The following STAMBP variants were observed in gnomAD, a reference collection of about 807,000 sequenced individuals.
STAMBP encodes the protein STAM-binding protein.
STAMBP carries 31 observed loss-of-function variants against 50.7 expected under a neutral mutation model. The observed-to-expected ratio is 0.61, with a 90% confidence interval of 0.46 to 0.83. The LOEUF is 0.83. Ranked by LOEUF, STAMBP falls within the 40% of genes least tolerant of loss-of-function variation. The probability of loss-of-function intolerance (pLI) is 0.00; values close to 1 mark genes in which losing one functional copy is unlikely to be tolerated. For missense variants in STAMBP, 472 were observed against 518.9 expected (o/e 0.91, Z 0.88); for synonymous variants, 211 against 192.4 (o/e 1.10, Z -0.80).
intron 2 of STAMBP, among the ~76,000 whole-genome samples, chr2:73,843,296 C>T (rs898107579): frequency 2.0e-5 from 3 of 147,100 alleles, no homozygotes; most frequent in Non-Finnish European, 3.0e-5. Context: ...CTTCTGGGAT[C>T]GAGAGATCCT....
At chr2:73,853,447 G>A (rs1048452038) in intron 7 of STAMBP, among the ~76,000 whole-genome samples, 3 of 152,200 alleles carry the variant, frequency 2.0e-5, no homozygotes, top group Non-Finnish European at 4.4e-5. Context: ...CTTTAGGCCG[G>A]GTGCGGTGGC....
intron 2 of STAMBP, among the ~76,000 whole-genome samples, chr2:73,835,792 G>C (rs547502573): frequency 6.6e-6 from 1 of 152,216 alleles, no homozygotes; most frequent in African/African-American, 2.4e-5. Flanking sequence ...GAATTTAACC[G>C]TTCACGTTTG....
Position 73,847,584 on chromosome 2 carries a change from C to T in STAMBP, c.573C>T (p.Gly191=). The change falls in exon 5 of 10, where the codon GGC becomes GGT. Residue 191 remains glycine (G), a synonymous_variant. Transcript: ENST00000394070. Reference sequence around the variant, plus strand: ...AGGAGTTTGGGAAGGTAGACCCTGGCCTAGGTGGCCCGCTAGTGCCTGACT... The same window carrying T: ...AGGAGTTTGGGAAGGTAGACCCTGGTCTAGGTGGCCCGCTAGTGCCTGACT... ...IVQEFGKVDP[G]LGGPLVPDLE... The T allele has an allele frequency of 3.7e-6, 6 of 1,614,140 alleles. No homozygotes were observed. The highest frequency in any genetic ancestry group is 5.1e-6 in the Non-Finnish European group (6 of 1,180,026).
At chr2:73,870,517 C>G (rs1410916866), downstream of STAMBP, among the ~76,000 whole-genome samples, 3 of 152,190 alleles carry the variant, frequency 2.0e-5, no homozygotes. Flanking sequence ...AAGAAGAACT[C>G]CCACCGTGGC....
chr2:73,865,280 C>T lies in STAMBP; in HGVS notation c.*3021C>T, dbSNP rs929879989. On this transcript the variant is annotated 3_prime_UTR_variant, in exon 10 of 10. Transcript: ENST00000394070. ...ATATGTTTCCAGTGGATTTTGAGAA[C>T]ACAGTTTTAGGACCAGAGTAGATGT... 1 of 152,170 alleles carries T rather than the reference C, an allele frequency of 6.6e-6. No individual in the cohort carries two copies. The highest frequency in any genetic ancestry group is 6.5e-5 in the Admixed American group (1 of 15,276). The allele number at this position is 152,170 out of a possible 1,614,324, so 9.4% of individuals were successfully genotyped here. A position where few individuals can be genotyped will look rare whatever the true frequency, so the allele number is the denominator to read the frequency against.
At chr2:73,830,046 T>C (rs1200264966) in intron 1 of STAMBP, among the ~76,000 whole-genome samples, 1 of 152,222 alleles carries the variant, frequency 6.6e-6, no homozygotes, top group Non-Finnish European at 1.5e-5. Flanking sequence ...CTGGTTGGAA[T>C]TTGGAATCTG....
chr2:73,842,200 G>A (rs1416542067), intron 2 of STAMBP, among the ~76,000 whole-genome samples: 10 of 152,134 alleles, frequency 6.6e-5, no homozygotes, highest in Non-Finnish European at 1.3e-4. Flanking sequence ...GTCCAATGTC[G>A]TTTTGTTTTA....
At chr2:73,852,779 G>A (rs1017240244) in intron 7 of STAMBP, among the ~76,000 whole-genome samples, 14 of 151,836 alleles carry the variant, frequency 9.2e-5, no homozygotes, top group Admixed American at 1.3e-4. Context: ...CCAGGTTCAA[G>A]TGATTCTCCT....
chr2:73,859,391 G>A, intron 8 of STAMBP, 25 bp downstream of exon 8: 1 of 1,577,446 alleles, frequency 6.3e-7, no homozygotes, highest in South Asian at 1.1e-5. Flanking sequence ...CATGGTTCTG[G>A]GTGTTTCAAG....
At chr2:73,837,458 G>A (rs1160904288) in intron 2 of STAMBP, among the ~76,000 whole-genome samples, 3 of 151,890 alleles carry the variant, frequency 2.0e-5, no homozygotes, top group African/African-American at 7.2e-5. Flanking sequence ...GGTGGCAGGT[G>A]CCTGTAGTCC....
At position 73,852,917 on chromosome 2, in the gene STAMBP, G is replaced by GGTGTGTGTGTGT. The variant is rs56684009; in HGVS notation, c.1005+2431_1005+2442dup. Among the ~76,000 whole-genome samples, 904 of 122,840 alleles carry GGTGTGTGTGTGT rather than the reference G, an allele frequency of 7.4e-3. 12 individuals carry two copies. The highest frequency in any genetic ancestry group is 0.018 in the East Asian group (73 of 3,966). 80.6% of individuals were successfully genotyped at this position (122,840 alleles called of 152,430 possible). On this transcript the variant is annotated intron_variant, in intron 7 of 9. Coordinates refer to ENST00000394070, the MANE Select transcript of STAMBP (RefSeq NM_213622.4). ...AGACTGGGTTTCACTATGTTGGCCA[G>GGTGTGTGTGTGT]GTGTGTGTGTGTGTGTGTGTGTGTG...
chr2:73,869,256 A>G (rs13422550), downstream of STAMBP, among the ~76,000 whole-genome samples: 1,138 of 144,434 alleles, frequency 7.9e-3, 12 homozygotes, highest in African/African-American at 0.028. Context: ...TGATTGGGGG[A>G]AAAAAAATCT....
At chr2:73,867,891 G>A (rs1001262916), downstream of STAMBP, among the ~76,000 whole-genome samples, 39 of 151,912 alleles carry the variant, frequency 2.6e-4, no homozygotes, top group African/African-American at 8.7e-4. Context: ...TTAGGAGGCC[G>A]AGGCGGGTGG....
At chr2:73,836,392 C>G (rs1486458686) in intron 2 of STAMBP, among the ~76,000 whole-genome samples, 1 of 152,244 alleles carries the variant, frequency 6.6e-6, no homozygotes, top group African/African-American at 2.4e-5. Flanking sequence ...CAGCCTCCCC[C>G]TCCCCTCCAC....
intron 7 of STAMBP, among the ~76,000 whole-genome samples, chr2:73,854,277 T>G (rs1157739375): frequency 6.6e-6 from 1 of 152,200 alleles, no homozygotes; most frequent in African/African-American, 2.4e-5. Flanking sequence ...GGTTGGAGTC[T>G]AGGTCTGCTG....
intron 1 of STAMBP, 30 bp from the exon 2 acceptor site, chr2:73,830,815 T>C (rs748710034): frequency 1.3e-6 from 2 of 1,572,162 alleles, no homozygotes. Context: ...AGGGCAACGG[T>C]ATTGATGCCA....
At chr2:73,852,235 A>T (rs1180419359) in intron 7 of STAMBP, among the ~76,000 whole-genome samples, 1 of 152,118 alleles carries the variant, frequency 6.6e-6, no homozygotes. Flanking sequence ...AGGATTTGGG[A>T]AATGAGTAAT....
chr2:73,840,762 A>C (rs769732084), intron 2 of STAMBP, among the ~76,000 whole-genome samples: 9 of 151,866 alleles, frequency 5.9e-5, no homozygotes, highest in East Asian at 3.9e-4. Flanking sequence ...AAAAATAAAT[A>C]AATCAAAAAA....
At chr2:73,832,885 T>C (rs1674142802) in intron 2 of STAMBP, among the ~76,000 whole-genome samples, 1 of 152,208 alleles carries the variant, frequency 6.6e-6, no homozygotes, top group African/African-American at 2.4e-5. Context: ...AGGATTCATA[T>C]TGTAATTGTA....
Sources: allele counts gnomAD v4.1 joint callset (sites outside exome capture counted in the v4.1 genomes callset), GRCh38; gene constraint gnomAD v4.1.1; transcripts MANE v1.5; gene names NCBI Gene and HGNC (gene_info 2026-07-23, HGNC 2026-07-21).